Variants in TSBP1 observed in about 807,000 individuals in gnomAD.
TSBP1 encodes the protein testis expressed basic protein 1, also known as testis-expressed basic protein 1.
In TSBP1, 56 loss-of-function variants were observed where a neutral mutation model predicts 68.8. That is an observed-to-expected ratio of 0.81 (90% CI 0.66 to 1.02). The LOEUF (loss-of-function observed/expected upper bound fraction) is 1.02. TSBP1 is among the 50% of genes least tolerant of loss of function. The probability of loss-of-function intolerance (pLI) is 0.00; values close to 1 mark genes in which losing one functional copy is unlikely to be tolerated. For missense variants in TSBP1, 502 were observed against 641.2 expected, an observed-to-expected ratio of 0.78 and a Z score of 2.34; for synonymous variants, 171 against 208.7, an observed-to-expected ratio of 0.82 and a Z score of 1.56.
At chr6:32,319,334 C>A (rs28608745) in intron 18 of TSBP1, among the ~76,000 whole-genome samples, 6,606 of 105,568 alleles carry the variant, frequency 0.063, 356 homozygotes, top group African/African-American at 0.14. Flanking sequence ...TTGCCACACT[C>A]ACCTTTAGTT....
chr6:32,344,873 G>C (rs4576281), intron 9 of TSBP1, among the ~76,000 whole-genome samples: 64,327 of 150,454 alleles, frequency 0.43, 14,763 homozygotes, highest in African/African-American at 0.55. Flanking sequence ...GGGCTGGGGT[G>C]GGGGGGACAG....
Position 32,306,308 on chromosome 6 carries a change from C to T in TSBP1, c.581-3679G>A, listed in dbSNP as rs1249755591. Among the ~76,000 whole-genome samples the T allele has an allele frequency of 6.6e-6, 1 of 152,194 alleles. No homozygotes were observed. Among genetic ancestry groups the T allele is most frequent in the Non-Finnish European group, 1.5e-5 (1 of 68,040 alleles). ...CAAAGACGTTCCCAACCTCCTCTGA[C>T]TCTTGCTGGCATCCAGATCTCTGTG... On this transcript the variant is annotated intron_variant, in intron 19 of 22. Transcript: ENST00000612031. This position sits in a 1 kb window ranked among gnomAD's most constrained non-coding sequence, Gnocchi z 5.1.
At chr6:32,355,276 TG>T in intron 7 of TSBP1, 132 bp from the exon 8 acceptor site, 1 of 844,886 alleles carries the variant, frequency 1.2e-6, no homozygotes. Flanking sequence ...ATCACTGATC[TG>T]GTGATGGGTA....
At position 32,361,247 on chromosome 6, in the gene TSBP1, T is replaced by C. The variant is rs1420265408; in HGVS notation, c.217+4920A>G. On this transcript the variant is annotated intron_variant, in intron 6 of 22. Transcript: ENST00000612031. The surrounding 1 kb of genome is among the most constrained non-coding windows in gnomAD (Gnocchi z 4.3). The stretch of plus-strand genomic sequence containing the variant: ...TTGCTGCATAGTATTCCATGGTGTA[T>C]ATGTGCCACATATTCTTAATCTGGT... Among the ~76,000 whole-genome samples the C allele has an allele frequency of 6.6e-6, 1 of 152,240 alleles. No homozygotes were observed. Among genetic ancestry groups the C allele is most frequent in the Non-Finnish European group, 1.5e-5 (1 of 68,036 alleles).
chr6:32,313,396 A>G (rs1766613611), intron 19 of TSBP1, among the ~76,000 whole-genome samples: 1 of 152,238 alleles, frequency 6.6e-6, no homozygotes, highest in South Asian at 2.1e-4. Flanking sequence ...AGGCCAATAT[A>G]TATTTGTTGA....
intron 8 of TSBP1, among the ~76,000 whole-genome samples, chr6:32,354,832 G>T (rs1309966296): frequency 6.6e-6 from 1 of 151,826 alleles, no homozygotes; most frequent in South Asian, 2.1e-4. Context: ...ATTAAAAAAA[G>T]ATACTATATT....
chr6:32,349,126 G>T (rs997532188), intron 9 of TSBP1, among the ~76,000 whole-genome samples: 16 of 151,782 alleles, frequency 1.1e-4, no homozygotes, highest in African/African-American at 2.9e-4. Flanking sequence ...TTCCCTCCTT[G>T]CTCTCCTAAA....
At chr6:32,358,350 C>T (rs1772570263) in intron 6 of TSBP1, among the ~76,000 whole-genome samples, 1 of 152,058 alleles carries the variant, frequency 6.6e-6, no homozygotes, top group African/African-American at 2.4e-5. Flanking sequence ...TCTTTGCACC[C>T]TTGGAATTTT....
Position 32,292,926 on chromosome 6 carries a change from G to T in TSBP1, c.*55C>A. 9.6e-7 allele frequency: 1 copy of T among 1,037,108 alleles called. No homozygotes were observed. Among genetic ancestry groups the T allele is most frequent in the Non-Finnish European group, 1.4e-6 (1 of 691,192 alleles). 64.2% of individuals were successfully genotyped at this position (1,037,108 alleles called of 1,614,324 possible). ...AATGGCTGGGATATGGTTTGTATCT[G>T]GAGTATGGGAATCATAATAATCACT... On this transcript the variant is annotated 3_prime_UTR_variant, in exon 23 of 23. Transcript: ENST00000612031. The surrounding 1 kb of genome is among the most constrained non-coding windows in gnomAD (Gnocchi z 4.1).
chr6:32,369,648 C>T (rs1279585694), intron 2 of TSBP1, among the ~76,000 whole-genome samples: 2 of 150,410 alleles, frequency 1.3e-5, no homozygotes, highest in African/African-American at 2.4e-5. Context: ...GGATTACAGG[C>T]GTGAGCCACC....
At chr6:32,351,024 AT>A (rs148996348) in intron 8 of TSBP1, among the ~76,000 whole-genome samples, 1,867 of 152,290 alleles carry the variant, frequency 0.012, 17 homozygotes, top group Non-Finnish European at 0.02. Flanking sequence ...AGGGAGACAT[AT>A]ATGACAGATT....
chr6:32,345,655 A>G (rs1770928636), intron 9 of TSBP1, among the ~76,000 whole-genome samples: 1 of 152,190 alleles, frequency 6.6e-6, no homozygotes. Context: ...ATATTATTAT[A>G]TCATCATTTC....
rs144166679 is a variant in TSBP1, at chr6:32,350,346, G to A, written c.260-517C>T. 2.0e-4 allele frequency among the ~76,000 whole-genome samples: 30 copies of A among 152,240 alleles called. No homozygotes were observed. In the East Asian group the frequency reaches 5.2e-3, roughly 26 times the overall value. The stretch of plus-strand genomic sequence containing the variant: ...AAGTAGTGAAAGTATTTAGAACCTC[G>A]GGGCTTACTGAAAGGGTGCTTGCTA... On this transcript the variant is annotated intron_variant, in intron 8 of 22. Transcript: ENST00000612031.
At chr6:32,323,913 A>G (rs117228922) in intron 16 of TSBP1, 5,612 of 400,900 alleles carry the variant, frequency 0.014, 79 homozygotes, top group East Asian at 0.031. Context: ...AAACATGGAC[A>G]TACTGATGGC....
Position 32,339,010 on chromosome 6 carries a change from A to G in TSBP1, c.389-11T>C. ...CTCCTGCAGTTCTGGCTAAAATACA[A>G]ACAAAAAAGGTGAGTTTGAAGAGAG... On this transcript the variant is annotated splice_polypyrimidine_tract_variant and intron_variant, in intron 10 of 22. Transcript: ENST00000612031. 6.2e-7 allele frequency: 1 copy of G among 1,610,898 alleles called. No individual in the cohort carries two copies. Among genetic ancestry groups the G allele is most frequent in the South Asian group, 1.1e-5 (1 of 91,006 alleles).
At chr6:32,367,853 G>A in intron 4 of TSBP1, 72 bp downstream of exon 4, 1 of 1,114,124 alleles carries the variant, frequency 9.0e-7, no homozygotes, top group Non-Finnish European at 1.3e-6. Flanking sequence ...ATGCTCAAAT[G>A]GAGATGAGTT....
Position 32,361,661 on chromosome 6 carries a change from TG to T in TSBP1, c.217+4505del, listed in dbSNP as rs1773040657. Among the ~76,000 whole-genome samples, 1 of 152,192 alleles carries T rather than the reference TG, an allele frequency of 6.6e-6. No individual in the cohort carries two copies. The highest frequency in any genetic ancestry group is 1.5e-5 in the Non-Finnish European group (1 of 68,036). ...AGTATTTTTTCATATGTCTGTTGGCTGCGTAAATGTCTTCTTTTAAGAATTG... is the reference window on the plus strand; with the variant it reads ...AGTATTTTTTCATATGTCTGTTGGCTCGTAAATGTCTTCTTTTAAGAATTG... On this transcript the variant is annotated intron_variant, in intron 6 of 22. Coordinates refer to ENST00000612031, the Ensembl canonical transcript of TSBP1. This position sits in a 1 kb window ranked among gnomAD's most constrained non-coding sequence, Gnocchi z 4.3.
chr6:32,320,912 C>T lies in TSBP1; in HGVS notation c.559+2205G>A, dbSNP rs6913740. Among the ~76,000 whole-genome samples, 1,018 of 152,116 alleles carry T rather than the reference C, an allele frequency of 6.7e-3. 17 individuals carry two copies. Among genetic ancestry groups the T allele is most frequent in the East Asian group, 0.02 (103 of 5,182 alleles). Reference sequence around the variant, plus strand: ...CCATGTGTTCTCATCATTTAGCTCCCGTTTATAAATAAGAACATGTGGTAT... The same window carrying T: ...CCATGTGTTCTCATCATTTAGCTCCTGTTTATAAATAAGAACATGTGGTAT... On this transcript the variant is annotated intron_variant, in intron 18 of 22. Coordinates refer to ENST00000612031, the Ensembl canonical transcript of TSBP1.
At chr6:32,359,503 T>C (rs2127646419) in intron 6 of TSBP1, among the ~76,000 whole-genome samples, 1 of 152,336 alleles carries the variant, frequency 6.6e-6, no homozygotes. Context: ...GTTTGTTTTT[T>C]TCTTGTGAAT....
Sources: gnomAD v4.1 joint callset for allele counts (sites outside exome capture counted in the v4.1 genomes callset) on GRCh38, gnomAD v4.1.1 for gene constraint, Gnocchi (gnomAD v3.1) non-coding constraint, MANE v1.5 for transcripts, NCBI Gene and HGNC (gene_info 2026-07-23, HGNC 2026-07-21) for gene names.